OXR1: variants seen among roughly 807,000 people sequenced by gnomAD.
The protein encoded by OXR1 is oxidation resistance 1.
OXR1 carries 41 observed loss-of-function variants against 104.6 expected under a neutral mutation model. That is an observed-to-expected ratio of 0.39 (90% CI 0.31 to 0.51). OXR1 has a LOEUF of 0.51. Among genes scored for constraint, OXR1 ranks in the 20% least tolerant of loss-of-function variants. OXR1 has a pLI of 0.77. For synonymous variants in OXR1, 348 were observed against 348.4 expected (o/e 1.00, Z 0.01); for missense variants, 955 against 1,031.9 (o/e 0.93, Z 1.02).
At chr8:106,410,811 G>A (rs1362817163) in intron 2 of OXR1, among the ~76,000 whole-genome samples, 3 of 152,022 alleles carry the variant, frequency 2.0e-5, no homozygotes, top group South Asian at 4.2e-4. Context: ...AATTTCTAAC[G>A]ACTCTATTTT....
chr8:106,364,049 T>C (rs7833003), intron 2 of OXR1, among the ~76,000 whole-genome samples: 1 of 151,888 alleles, frequency 6.6e-6, no homozygotes, highest in African/African-American at 2.4e-5. Context: ...TACTGCAGTT[T>C]GTTAGTAGAA....
At chr8:106,600,352 C>T (rs1369138200) in intron 3 of OXR1, among the ~76,000 whole-genome samples, 1 of 152,202 alleles carries the variant, frequency 6.6e-6, no homozygotes, top group African/African-American at 2.4e-5. Context: ...TCTCCCCTTA[C>T]AGTTTAGCCC....
At chr8:106,739,122 C>T (rs866698899) in intron 12 of OXR1, among the ~76,000 whole-genome samples, 1 of 113,074 alleles carries the variant, frequency 8.8e-6, no homozygotes, top group Non-Finnish European at 2.0e-5. Flanking sequence ...ACACACACAG[C>T]GCAAGCCAGC....
chr8:106,579,783 T>C (rs1305769863), intron 3 of OXR1, among the ~76,000 whole-genome samples: 1 of 152,128 alleles, frequency 6.6e-6, no homozygotes, highest in Non-Finnish European at 1.5e-5. Flanking sequence ...TGATTTCATA[T>C]AATTGAGCCC....
At chr8:106,496,386 T>TA (rs1003557516) in intron 2 of OXR1, among the ~76,000 whole-genome samples, 23 of 152,086 alleles carry the variant, frequency 1.5e-4, no homozygotes, top group East Asian at 3.9e-4. Flanking sequence ...AACAAACAAT[T>TA]AAAAAAAACA....
chr8:106,560,355 T>C (rs1231680971), intron 3 of OXR1, among the ~76,000 whole-genome samples: 1 of 152,202 alleles, frequency 6.6e-6, no homozygotes, highest in Non-Finnish European at 1.5e-5. Flanking sequence ...TTTTCTTCTG[T>C]GCTTTTTTTG....
At chr8:106,566,878 CAG>C (rs1268366471) in intron 3 of OXR1, among the ~76,000 whole-genome samples, 2 of 152,086 alleles carry the variant, frequency 1.3e-5, no homozygotes, top group African/African-American at 2.4e-5. Context: ...GAAAATCAAA[CAG>C]CGCATGTTCT....
chr8:106,450,915 A>G (rs1820278871), intron 2 of OXR1, among the ~76,000 whole-genome samples: 1 of 152,148 alleles, frequency 6.6e-6, no homozygotes, highest in South Asian at 2.1e-4. Context: ...CTAGAACTGA[A>G]GCAAATTTGC....
chr8:106,431,278 T>C (rs964678418), intron 2 of OXR1, among the ~76,000 whole-genome samples: 3 of 152,056 alleles, frequency 2.0e-5, no homozygotes, highest in African/African-American at 7.3e-5. Context: ...ATAATGATGA[T>C]GGTGATGATG....
intron 3 of OXR1, among the ~76,000 whole-genome samples, chr8:106,670,809 T>C (rs1826866736): frequency 6.6e-6 from 1 of 151,556 alleles, no homozygotes; most frequent in African/African-American, 2.4e-5. Context: ...ATCCTGAAAG[T>C]AGATGAGAGA....
At chr8:106,382,842 G>A (rs1213450018) in intron 2 of OXR1, among the ~76,000 whole-genome samples, 1 of 151,878 alleles carries the variant, frequency 6.6e-6, no homozygotes, top group East Asian at 1.9e-4. Flanking sequence ...TTATATATGG[G>A]AAAACTAAGG....
intron 3 of OXR1, among the ~76,000 whole-genome samples, chr8:106,587,641 T>A (rs1818729596): frequency 6.6e-6 from 1 of 152,162 alleles, no homozygotes; most frequent in African/African-American, 2.4e-5. Context: ...ATCATTGGGG[T>A]TCTGGTTGAG....
intron 2 of OXR1, among the ~76,000 whole-genome samples, chr8:106,421,318 T>G (rs987685651): frequency 5.9e-5 from 9 of 152,180 alleles, no homozygotes; most frequent in African/African-American, 2.2e-4. Flanking sequence ...GTTTGCTAAT[T>G]GACAAGTGTA....
chr8:106,625,282 A>T (rs1380413527), intron 3 of OXR1, among the ~76,000 whole-genome samples: 1 of 152,166 alleles, frequency 6.6e-6, no homozygotes, highest in African/African-American at 2.4e-5. Flanking sequence ...GTGTACCTGT[A>T]ATCCCAGCTT....
At chr8:106,339,511 AAAAAAAAAATATATATATATAT>A (rs1261660204) in intron 1 of OXR1, among the ~76,000 whole-genome samples, 5 of 43,086 alleles carry the variant, frequency 1.2e-4, no homozygotes, top group African/African-American at 7.7e-4. Context: ...AAAAAAAAAA[AAAAAAAAAATATATATATATAT>A]ATATATATAT....
At chr8:106,719,176 A>G (rs1832597469) in intron 11 of OXR1, among the ~76,000 whole-genome samples, 1 of 152,194 alleles carries the variant, frequency 6.6e-6, no homozygotes, top group African/African-American at 2.4e-5. Flanking sequence ...TCTGTGATAA[A>G]TATTACTTTC....
intron 2 of OXR1, among the ~76,000 whole-genome samples, chr8:106,456,113 T>C (rs1187091030): frequency 6.6e-6 from 1 of 152,196 alleles, no homozygotes; most frequent in East Asian, 1.9e-4. Flanking sequence ...GCGGAAATGA[T>C]CTATGATATA....
At chr8:106,280,557 T>C (rs537676495) in intron 1 of OXR1, among the ~76,000 whole-genome samples, 1 of 152,174 alleles carries the variant, frequency 6.6e-6, no homozygotes, top group East Asian at 1.9e-4. Context: ...AGTAGAATGG[T>C]GTTTGCAAGG....
chr8:106,550,797 A>C (rs1246284329), intron 3 of OXR1, among the ~76,000 whole-genome samples: 1 of 152,146 alleles, frequency 6.6e-6, no homozygotes, highest in Admixed American at 6.5e-5. Context: ...TTTCTTTATA[A>C]ATTACCCAGT....
Sources: gnomAD v4.1 joint callset for allele counts (sites outside exome capture counted in the v4.1 genomes callset) on GRCh38, gnomAD v4.1.1 for gene constraint, MANE v1.5 for transcripts, NCBI Gene and HGNC (gene_info 2026-07-23, HGNC 2026-07-21) for gene names.